Variants in FXYD3 observed in about 807,000 individuals in gnomAD.
The protein encoded by FXYD3 is FXYD domain containing ion transport regulator 3.
Under a neutral mutation model 19.2 loss-of-function variants are expected in FXYD3, and 13 were observed. That is an observed-to-expected ratio of 0.68 (90% CI 0.44 to 1.08). The LOEUF is 1.08. FXYD3 is among the 50% of genes least tolerant of loss of function. FXYD3 has a pLI of 0.00. For missense variants in FXYD3, 101 were observed against 109.4 expected (o/e 0.92, Z 0.34); for synonymous variants, 48 against 38.9 (o/e 1.23, Z -0.87).
At chr19:35,118,754 C>G (rs184542867) in intron 2 of FXYD3, among the ~76,000 whole-genome samples, 1 of 152,140 alleles carries the variant, frequency 6.6e-6, no homozygotes, top group South Asian at 2.1e-4. Context: ...TACCCCCAGT[C>G]CCAGCCTCAC....
At chr19:35,117,842 G>A (rs1294365973) in intron 2 of FXYD3, among the ~76,000 whole-genome samples, 1 of 268 alleles carries the variant, frequency 3.7e-3, no homozygotes, top group East Asian at 0.016. Flanking sequence ...GGATTCCCAG[G>A]CCCTGGGGTG....
At position 35,122,787 on chromosome 19, in the gene FXYD3, CG is replaced by C; in HGVS notation, c.123del (p.Leu42SerfsTer16). On this transcript the variant is annotated frameshift_variant, in exon 6 of 9. Coordinates refer to ENST00000604404, the MANE Select transcript of FXYD3 (RefSeq NM_005971.4). LOFTEE classifies it high-confidence loss of function. ...TAGACTGGCACAGCCTCCAGGTTGG[CG>C]GGCTCATCTGCGCTGGGGTTCTGTG... ...YYDWHSLQVG[G>X]LICAGVLCAM... The C allele has an allele frequency of 6.2e-7, 1 of 1,613,676 alleles. No homozygotes were observed. Among genetic ancestry groups the C allele is most frequent in the African/African-American group, 1.3e-5 (1 of 75,056 alleles).
rs1029693678 is a variant in FXYD3, at chr19:35,123,959, T to C, written c.*502T>C. ...GGACCATTCCAGGAAAACTGGGACA[T>C]AGGATCGTCCCGCTATGATGGAAGT... is the stretch of plus-strand genomic sequence containing the variant. On this transcript the variant is annotated 3_prime_UTR_variant, in exon 9 of 9. Coordinates refer to ENST00000604404, the MANE Select transcript of FXYD3 (RefSeq NM_005971.4). 1 of 172,336 alleles carries C rather than the reference T, an allele frequency of 5.8e-6. No homozygotes were observed. The highest frequency in any genetic ancestry group is 2.4e-5 in the African/African-American group (1 of 42,054). 10.7% of individuals were successfully genotyped at this position (172,336 alleles called of 1,614,324 possible). A position where few individuals can be genotyped will look rare whatever the true frequency, so the allele number is the denominator to read the frequency against.
intron 3 of FXYD3, chr19:35,119,985 A>T (rs1053801823): frequency 6.6e-6 from 1 of 152,284 alleles, no homozygotes; most frequent in African/African-American, 2.4e-5. Flanking sequence ...TTGACTATTA[A>T]ACAGAAATAA....
chr19:35,119,394 G>C lies in FXYD3; in HGVS notation c.18G>C (p.Leu6=), dbSNP rs1239767357. The change falls in exon 3 of 9, where the codon CTG becomes CTC. Residue 6 remains leucine (L), a synonymous_variant. Coordinates refer to ENST00000604404, the MANE Select transcript of FXYD3 (RefSeq NM_005971.4). MQKVT[L]GLLVFLAGFP... is the part of the protein sequence containing the mutation. Reference sequence around the variant, plus strand: ...GCTCTGACATGCAGAAGGTGACCCTGGGCCTGCTTGTGTTCCTGGCAGGTG... The same window carrying C: ...GCTCTGACATGCAGAAGGTGACCCTCGGCCTGCTTGTGTTCCTGGCAGGTG... The C allele has an allele frequency of 1.2e-6, 2 of 1,614,006 alleles. No homozygotes were observed. Among genetic ancestry groups the C allele is most frequent in the African/African-American group, 1.3e-5 (1 of 74,920 alleles).
chr19:35,118,843 C>G (rs1376947174), intron 2 of FXYD3, among the ~76,000 whole-genome samples: 2 of 152,180 alleles, frequency 1.3e-5, no homozygotes, highest in East Asian at 3.9e-4. Flanking sequence ...TCTGCAATGT[C>G]CTGGCAGGGC....
intron 7 of FXYD3, 47 bp from the exon 8 acceptor site, chr19:35,123,224 A>T: frequency 1.3e-6 from 2 of 1,546,442 alleles, no homozygotes; most frequent in South Asian, 2.5e-5. Context: ...CCGGAGGGAG[A>T]GGGCAAATGG....
intron 2 of FXYD3, chr19:35,118,610 G>A (rs905462890): frequency 2.0e-6 from 2 of 997,636 alleles, no homozygotes; most frequent in African/African-American, 3.5e-5. Context: ...GTAGGGTCAG[G>A]GGCTGGGCTG....
At chr19:35,119,647 T>G (rs2064990543) in intron 3 of FXYD3, 4 of 475,776 alleles carry the variant, frequency 8.4e-6, no homozygotes, top group Admixed American at 4.9e-5. Context: ...TCTCTTCTTT[T>G]TTTTTGGCTT....
At chr19:35,119,636 A>G (rs1165097497) in intron 3 of FXYD3, 3 of 472,542 alleles carry the variant, frequency 6.3e-6, no homozygotes. Flanking sequence ...CATTCTCTCG[A>G]TCTCTTCTTT....
Position 35,122,822 on chromosome 19 carries a change from G to A in FXYD3, c.155G>A (p.Gly52Asp), listed in dbSNP as rs1600458681. ...LICAGVLCAMGIIIVMSAKCK... is the reference protein window; with the variant it reads ...LICAGVLCAMDIIIVMSAKCK... ...TGCGCTGGGGTTCTGTGCGCCATGG[G>A]CATCATCATCGTCATGAGTGAGTGG... The change falls in exon 6 of 9, where the codon GGC becomes GAC. Residue 52 changes from glycine to aspartate, a missense_variant. Transcript: ENST00000604404. 6.2e-7 allele frequency: 1 copy of A among 1,614,040 alleles called. No homozygotes were observed. The highest frequency in any genetic ancestry group is 8.5e-7 in the Non-Finnish European group (1 of 1,180,020).
At position 35,116,276 on chromosome 19, in the gene FXYD3, C is replaced by T. The variant is rs557943519; in HGVS notation, c.-98C>T. ...TCTACCTGCCCAGGTTTGCTTAGGG[C>T]GTGGCAGCTTCGGATAAACGCAGGA... On this transcript the variant is annotated 5_prime_UTR_variant, in exon 2 of 9. Coordinates refer to ENST00000604404, the MANE Select transcript of FXYD3 (RefSeq NM_005971.4). The T allele has an allele frequency of 1.5e-4, 145 of 985,376 alleles. No individual in the cohort carries two copies. The African/African-American group carries it at 2.2e-3, about 15-fold the overall frequency. 61.0% of individuals were successfully genotyped at this position (985,376 alleles called of 1,614,324 possible).
intron 2 of FXYD3, chr19:35,117,432 G>A (rs2064917536): frequency 1.5e-6 from 2 of 1,371,258 alleles, no homozygotes; most frequent in African/African-American, 1.5e-5. Flanking sequence ...TGAATTTGCA[G>A]GGGTTACAGG....
At chr19:35,123,339 A>G (rs2145349441) in intron 8 of FXYD3, 31 bp downstream of exon 8, 1 of 1,609,526 alleles carries the variant, frequency 6.2e-7, no homozygotes, top group South Asian at 1.1e-5. Context: ...GCTCAGGGGA[A>G]CACGGAAGTG....
chr19:35,123,435 C>T lies in FXYD3; in HGVS notation c.248-6C>T. On this transcript the variant is annotated splice_polypyrimidine_tract_variant and splice_region_variant and intron_variant, in intron 8 of 8. Transcript: ENST00000604404. ...CCTCACAAACGGACCCCATCACTTCCCGCAGGCTCAGCCCAAAGCTGATGA... is the reference window on the plus strand; with the variant it reads ...CCTCACAAACGGACCCCATCACTTCTCGCAGGCTCAGCCCAAAGCTGATGA... 1.2e-6 allele frequency: 2 copies of T among 1,614,092 alleles called. No individual in the cohort carries two copies. Among genetic ancestry groups the T allele is most frequent in the South Asian group, 1.1e-5 (1 of 91,080 alleles).
At chr19:35,123,025 C>T in intron 7 of FXYD3, 71 bp downstream of exon 7, 1 of 1,509,554 alleles carries the variant, frequency 6.6e-7, no homozygotes, top group South Asian at 1.3e-5. Context: ...GCTAACTCTC[C>T]CAGCAGGAGA....
At chr19:35,120,094 C>T (rs1238261943) in intron 3 of FXYD3, among the ~76,000 whole-genome samples, 2 of 151,926 alleles carry the variant, frequency 1.3e-5, no homozygotes, top group East Asian at 3.9e-4. Flanking sequence ...AGGCTCAGCT[C>T]AGTGCGACTG....
intron 3 of FXYD3, 73 bp downstream of exon 3, chr19:35,119,489 C>T (rs2064985463): frequency 7.3e-7 from 1 of 1,360,672 alleles, no homozygotes; most frequent in Non-Finnish European, 1.1e-6. Flanking sequence ...TGTCTCTCTC[C>T]TGTGCTTTTC....
intron 2 of FXYD3, 116 bp downstream of exon 2, chr19:35,116,475 A>G: frequency 1.0e-6 from 1 of 985,244 alleles, no homozygotes; most frequent in East Asian, 1.1e-4. Context: ...AGCGCCTAAA[A>G]TCTTGTGAAA....
Sources: gnomAD v4.1 joint callset for allele counts (sites outside exome capture counted in the v4.1 genomes callset) on GRCh38, gnomAD v4.1.1 for gene constraint, MANE v1.5 for transcripts, NCBI Gene and HGNC (gene_info 2026-07-23, HGNC 2026-07-21) for gene names.